Variants in ECSIT observed in about 807,000 individuals in gnomAD.
ECSIT encodes ECSIT signaling integrator.
In ECSIT, 29 loss-of-function variants were observed where a neutral mutation model predicts 36.8. The ratio of observed to expected loss-of-function variants is 0.79; its 90% confidence interval spans 0.59 to 1.08. The LOEUF is 1.08. Ranked by LOEUF, ECSIT falls within the 50% of genes least tolerant of loss-of-function variation. ECSIT has a pLI of 0.00. For missense variants in ECSIT, 542 were observed against 581.0 expected (o/e 0.93, Z 0.69); for synonymous variants, 231 against 234.8 (o/e 0.98, Z 0.15).
intron 2 of ECSIT, among the ~76,000 whole-genome samples, chr19:11,515,704 G>A (rs184176396): frequency 6.6e-6 from 1 of 152,242 alleles, no homozygotes; most frequent in East Asian, 1.9e-4. Context: ...CACGATCTCA[G>A]CTCACTATAA....
chr19:11,513,811 C>T lies in ECSIT; in HGVS notation c.507G>A (p.Glu169=), dbSNP rs1001326232. Reference sequence around the variant, plus strand: ...CCAGCCTCCTGGCCTCACCGTGGTTCTCCATCTGCTCCAGGACAGCAATCC... The same window carrying T: ...CCAGCCTCCTGGCCTCACCGTGGTTTTCCATCTGCTCCAGGACAGCAATCC... ...ECGIAVLEQM[E]NHGVMPNKET... is the part of the protein sequence containing the mutation. The change falls in exon 3 of 8, where the codon GAG becomes GAA. Residue 169 remains glutamate (E), a synonymous_variant. Transcript: ENST00000270517. 1 of 1,614,016 alleles carries T rather than the reference C, an allele frequency of 6.2e-7. No homozygotes were observed. Among genetic ancestry groups the T allele is most frequent in the South Asian group, 1.1e-5 (1 of 91,084 alleles).
chr19:11,522,946 C>T (rs1972137420), intron 1 of ECSIT, among the ~76,000 whole-genome samples: 1 of 151,950 alleles, frequency 6.6e-6, no homozygotes, highest in Non-Finnish European at 1.5e-5. Context: ...TGGCAGGCAC[C>T]TGTAGTCCCA....
At chr19:11,513,605 G>A (rs1971920344) in intron 3 of ECSIT, among the ~76,000 whole-genome samples, 199 bp downstream of exon 3, 1 of 113,224 alleles carries the variant, frequency 8.8e-6, no homozygotes, top group Non-Finnish European at 1.8e-5. Flanking sequence ...GGGAGGAGAG[G>A]GAGGGAGGGG....
At chr19:11,522,657 A>G (rs1010095844) in intron 1 of ECSIT, among the ~76,000 whole-genome samples, 2 of 151,818 alleles carry the variant, frequency 1.3e-5, no homozygotes, top group Non-Finnish European at 2.9e-5. Flanking sequence ...ATGTTACAGT[A>G]AGCTGAGATC....
Position 11,505,944 on chromosome 19 carries a change from G to C in ECSIT, c.*240C>G, listed in dbSNP as rs901907244. ...AAACTGCGCATGCGCACAACCAACA[G>C]CGCTCCCGCCCCTTTTTATTTGAAT... On this transcript the variant is annotated 3_prime_UTR_variant, in exon 8 of 8. Coordinates refer to ENST00000270517, the MANE Select transcript of ECSIT (RefSeq NM_016581.5). 7 of 895,322 alleles carry C rather than the reference G, an allele frequency of 7.8e-6. No individual in the cohort carries two copies. The highest frequency in any genetic ancestry group is 1.8e-5 in the South Asian group (1 of 54,118). The allele number at this position is 895,322 out of a possible 1,614,324, so 55.5% of individuals were successfully genotyped here.
intron 2 of ECSIT, among the ~76,000 whole-genome samples, chr19:11,517,810 T>C (rs1972027348): frequency 6.6e-6 from 1 of 152,106 alleles, no homozygotes; most frequent in African/African-American, 2.4e-5. Flanking sequence ...ATCATCGTTA[T>C]TGCTATCTAT....
chr19:11,508,383 A>AGTTTTTTTTTTTT (rs1971801567), intron 4 of ECSIT, among the ~76,000 whole-genome samples: 1 of 124,052 alleles, frequency 8.1e-6, no homozygotes, highest in Non-Finnish European at 1.6e-5. Flanking sequence ...CTTAATTCCG[A>AGTTTTTTTTTTTT]TTTTTTTTTT....
Position 11,505,941 on chromosome 19 carries a change from A to C in ECSIT, c.*243T>G. 3.4e-6 allele frequency: 3 copies of C among 890,578 alleles called. No homozygotes were observed. Among genetic ancestry groups the C allele is most frequent in the Non-Finnish European group, 4.9e-6 (3 of 614,508 alleles). 55.2% of individuals were successfully genotyped at this position (890,578 alleles called of 1,614,324 possible). A position where few individuals can be genotyped will look rare whatever the true frequency, so the allele number is the denominator to read the frequency against. On this transcript the variant is annotated 3_prime_UTR_variant, in exon 8 of 8. Transcript: ENST00000270517. ...TGGAAACTGCGCATGCGCACAACCAACAGCGCTCCCGCCCCTTTTTATTTG... is the reference window on the plus strand; with the variant it reads ...TGGAAACTGCGCATGCGCACAACCACCAGCGCTCCCGCCCCTTTTTATTTG...
At chr19:11,520,415 G>A (rs185034249) in intron 1 of ECSIT, among the ~76,000 whole-genome samples, 7 of 152,094 alleles carry the variant, frequency 4.6e-5, no homozygotes, top group Non-Finnish European at 7.4e-5. Flanking sequence ...CAAGTGATCC[G>A]CCAGCCTCAG....
intron 1 of ECSIT, chr19:11,522,428 T>C (rs1056415565): frequency 6.9e-7 from 1 of 1,443,146 alleles, no homozygotes; most frequent in Non-Finnish European, 9.6e-7. Context: ...AAGTTCCCGC[T>C]GCCCCACCAG....
Position 11,506,017 on chromosome 19 carries a change from C to T in ECSIT, c.*167G>A, listed in dbSNP as rs1374942626. ...AGATTCTGGAGGGGTCTCGCCTGCCCATCGCTGGCAGCCCGAGATCCTGGG... is the reference window on the plus strand; with the variant it reads ...AGATTCTGGAGGGGTCTCGCCTGCCTATCGCTGGCAGCCCGAGATCCTGGG... On this transcript the variant is annotated 3_prime_UTR_variant, in exon 8 of 8. Transcript: ENST00000270517. 6 of 1,215,010 alleles carry T rather than the reference C, an allele frequency of 4.9e-6. No homozygotes were observed. The highest frequency in any genetic ancestry group is 6.8e-6 in the Non-Finnish European group (6 of 876,060). 75.3% of individuals were successfully genotyped at this position (1,215,010 alleles called of 1,614,324 possible).
chr19:11,507,053 A>G (rs190769175), intron 7 of ECSIT, among the ~76,000 whole-genome samples: 47 of 152,222 alleles, frequency 3.1e-4, no homozygotes, highest in African/African-American at 1.1e-3. Context: ...TGTCCTGGTG[A>G]CACCCAGTAG....
Position 11,521,730 on chromosome 19 carries a change from C to T in ECSIT, c.-23-2537G>A, listed in dbSNP as rs541821936. 6.6e-5 allele frequency among the ~76,000 whole-genome samples: 10 copies of T among 152,160 alleles called. No individual in the cohort carries two copies. In the East Asian group the frequency reaches 1.9e-3, roughly 29 times the overall value. ...GGCAGAAGCTGCAGTGAGCCAAGAT[C>T]GTGCCACTGCACTCCAGCCTGGGCG... On this transcript the variant is annotated intron_variant, in intron 1 of 7. Coordinates refer to ENST00000270517, the MANE Select transcript of ECSIT (RefSeq NM_016581.5).
rs377444948 is a variant in ECSIT at position 11,517,378 on chromosome 19, T to C, written c.96+1697A>G. ...CACTTTTGAGAGGCGGGTGGATCACTTGAGGTCAGGAGTTTGAGACCAGCC... is the reference window on the plus strand; with the variant it reads ...CACTTTTGAGAGGCGGGTGGATCACCTGAGGTCAGGAGTTTGAGACCAGCC... On this transcript the variant is annotated intron_variant, in intron 2 of 7. Coordinates refer to ENST00000270517, the MANE Select transcript of ECSIT (RefSeq NM_016581.5). 7.8e-3 allele frequency among the ~76,000 whole-genome samples: 1,187 copies of C among 151,672 alleles called. 10 individuals carry two copies. Among genetic ancestry groups the C allele is most frequent in the African/African-American group, 0.026 (1,092 of 41,324 alleles).
chr19:11,517,950 C>T (rs1972029540), intron 2 of ECSIT, among the ~76,000 whole-genome samples: 1 of 152,048 alleles, frequency 6.6e-6, no homozygotes, highest in African/African-American at 2.4e-5. Context: ...CGAGCTCATA[C>T]ATCCTTATTT....
chr19:11,512,975 G>T, intron 4 of ECSIT, 81 bp downstream of exon 4: 1 of 1,365,622 alleles, frequency 7.3e-7, no homozygotes, highest in Non-Finnish European at 1.0e-6. Context: ...AATCACTAGA[G>T]TGAGAGAAGG....
In ECSIT at chr19:11,519,754, A is replaced by G; in HGVS notation, c.-23-561T>C. On this transcript the variant is annotated intron_variant, in intron 1 of 7. Transcript: ENST00000270517. This position sits in a 1 kb window ranked among gnomAD's most constrained non-coding sequence, Gnocchi z 4.4. ...AGGCTGAGGCGGGCGGATCACTCGA[A>G]GTTGGGAGTTCGAGACCAGCCTGAC... 6.5e-6 allele frequency: 1 copy of G among 154,826 alleles called. No individual in the cohort carries two copies. Among genetic ancestry groups the G allele is most frequent in the Non-Finnish European group, 1.4e-5 (1 of 69,708 alleles). The allele number at this position is 154,826 out of a possible 1,614,324, so 9.6% of individuals were successfully genotyped here.
At chr19:11,514,998 C>T (rs2144981869) in intron 2 of ECSIT, among the ~76,000 whole-genome samples, 1 of 151,960 alleles carries the variant, frequency 6.6e-6, no homozygotes, top group African/African-American at 2.4e-5. Context: ...TCCACCACGC[C>T]CTGCTAATTT....
intron 2 of ECSIT, among the ~76,000 whole-genome samples, chr19:11,517,399 C>G (rs958054053): frequency 6.6e-6 from 1 of 152,000 alleles, no homozygotes; most frequent in Non-Finnish European, 1.5e-5. Flanking sequence ...AGTTTGAGAC[C>G]AGCCTGGCCA....
Sources: gnomAD v4.1 joint callset for allele counts (sites outside exome capture counted in the v4.1 genomes callset) on GRCh38, gnomAD v4.1.1 for gene constraint, Gnocchi (gnomAD v3.1) non-coding constraint, MANE v1.5 for transcripts, NCBI Gene and HGNC (gene_info 2026-07-23, HGNC 2026-07-21) for gene names.